The following ACLY variants were observed in gnomAD, a reference collection of about 807,000 sequenced individuals.
ACLY encodes ATP citrate lyase.
ACLY carries 41 observed loss-of-function variants against 133.0 expected under a neutral mutation model. The ratio of observed to expected loss-of-function variants is 0.31; its 90% CI spans 0.24 to 0.40. ACLY has a LOEUF of 0.40. ACLY is among the 10% of genes least tolerant of loss of function. ACLY has a pLI of 1.00. For missense variants in ACLY, 1,046 were observed against 1,453.8 expected (o/e 0.72, Z 4.56); for synonymous variants, 495 against 549.3 (o/e 0.90, Z 1.38).
At chr17:41,920,045 C>G (rs1407039429), upstream of ACLY, among the ~76,000 whole-genome samples, 1 of 152,132 alleles carries the variant, frequency 6.6e-6, no homozygotes, top group Non-Finnish European at 1.5e-5. Flanking sequence ...AAGAGGTCAG[C>G]CCAGAATGCA....
chr17:41,883,608 G>A (rs1196551065), intron 19 of ACLY, among the ~76,000 whole-genome samples: 6 of 130,574 alleles, frequency 4.6e-5, no homozygotes, highest in African/African-American at 9.0e-5. Context: ...TTTTTGAGAC[G>A]GAGTCTTGAT....
chr17:41,919,555 T>A (rs528345310), upstream of ACLY, among the ~76,000 whole-genome samples: 1 of 152,336 alleles, frequency 6.6e-6, no homozygotes, highest in South Asian at 2.1e-4. Flanking sequence ...CAGAGCATAC[T>A]TCCCAGTGTG....
intron 13 of ACLY, 136 bp downstream of exon 13, chr17:41,897,613 G>A: frequency 1.3e-6 from 1 of 743,738 alleles, no homozygotes; most frequent in East Asian, 2.8e-5. Context: ...CGTGTCCCAG[G>A]TGCACTCCCA....
chr17:41,889,513 G>T (rs2049144121), intron 16 of ACLY, among the ~76,000 whole-genome samples: 1 of 51,250 alleles, frequency 2.0e-5, no homozygotes, highest in Non-Finnish European at 3.4e-5. Context: ...ATGGAGAAAG[G>T]CTCCATTTCA....
intron 16 of ACLY, among the ~76,000 whole-genome samples, chr17:41,889,729 A>G (rs1555628883): frequency 1.4e-5 from 2 of 147,586 alleles, no homozygotes. Context: ...CTCGTCGCCC[A>G]GGCTGGAGTA....
intron 5 of ACLY, 107 bp downstream of exon 5, chr17:41,909,403 C>T (rs2049827594): frequency 5.5e-6 from 7 of 1,265,374 alleles, no homozygotes; most frequent in Non-Finnish European, 7.8e-6. Context: ...CCGTGTCTAC[C>T]ACCTGGCTCC....
chr17:41,901,856 C>T, intron 10 of ACLY, 43 bp from the exon 11 acceptor site: 4 of 1,425,420 alleles, frequency 2.8e-6, no homozygotes, highest in Non-Finnish European at 3.8e-6. Flanking sequence ...AAGGCAGCCA[C>T]AAGTCAATGA....
chr17:41,903,451 C>A (rs2049593768), intron 10 of ACLY, among the ~76,000 whole-genome samples: 1 of 152,036 alleles, frequency 6.6e-6, no homozygotes, highest in African/African-American at 2.4e-5. Context: ...GGGCTCATGA[C>A]AGAAAGATAT....
At chr17:41,898,094 C>T (rs1401195372) in intron 12 of ACLY, among the ~76,000 whole-genome samples, 2 of 152,072 alleles carry the variant, frequency 1.3e-5, no homozygotes, top group Non-Finnish European at 2.9e-5. Flanking sequence ...GTAAGAGTAA[C>T]GATTTTTAAG....
intron 23 of ACLY, 49 bp from the exon 24 acceptor site, chr17:41,872,231 C>A (rs782721249): frequency 1.3e-6 from 2 of 1,567,532 alleles, no homozygotes; most frequent in Admixed American, 1.7e-5. Context: ...AGGCCATGCT[C>A]GTACTTTCCC....
At chr17:41,908,217 C>G (rs1432313911) in intron 6 of ACLY, among the ~76,000 whole-genome samples, 1 of 152,208 alleles carries the variant, frequency 6.6e-6, no homozygotes, top group African/African-American at 2.4e-5. Context: ...GAAGTCCTGG[C>G]CAGAGCCAGC....
Position 41,905,616 on chromosome 17 carries a change from G to A in ACLY, c.909C>T (p.Asn303=). ...TGGGGGCGCCTGAGTACTCCCCATAGTTTGCCAGCTCGTTGACACCCCCTA... is the reference window on the plus strand; with the variant it reads ...TGGGGGCGCCTGAGTACTCCCCATAATTTGCCAGCTCGTTGACACCCCCTA... ...CDLGGVNELA[N]YGEYSGAPSE... Residue 303 remains asparagine, a synonymous_variant, in exon 9 of 29, where the codon AAC becomes AAT. Transcript: ENST00000352035. The A allele has an allele frequency of 6.2e-7, 1 of 1,614,182 alleles. No individual in the cohort carries two copies.
At chr17:41,886,026 A>G in intron 18 of ACLY, 86 bp downstream of exon 18, 1 of 1,366,424 alleles carries the variant, frequency 7.3e-7, no homozygotes, top group South Asian at 1.3e-5. Flanking sequence ...ACTCAGGGGC[A>G]GCAAGCAGCC....
intron 6 of ACLY, 101 bp from the exon 7 acceptor site, chr17:41,907,673 C>G: frequency 7.2e-7 from 1 of 1,379,790 alleles, no homozygotes; most frequent in South Asian, 1.3e-5. Flanking sequence ...GTGGCCCATT[C>G]AGGCCTCAGA....
intron 1 of ACLY, among the ~76,000 whole-genome samples, chr17:41,918,016 G>A (rs1661465476): frequency 1.3e-5 from 2 of 152,178 alleles, no homozygotes; most frequent in South Asian, 4.1e-4. Context: ...CTCTTCCCAG[G>A]AAGACCTCCA....
At chr17:41,882,367 C>CAAAAAAAAAAAAAAAAAAAAAAA (rs34078258) in intron 20 of ACLY, among the ~76,000 whole-genome samples, 3 of 40,252 alleles carry the variant, frequency 7.5e-5, no homozygotes, top group African/African-American at 2.1e-4. Flanking sequence ...ACCCTGTCTC[C>CAAAAAAAAAAAAAAAAAAAAAAA]AAAAAAAAAA....
chr17:41,881,923 A>G (rs1169283779), intron 20 of ACLY, among the ~76,000 whole-genome samples: 1 of 152,182 alleles, frequency 6.6e-6, no homozygotes, highest in African/African-American at 2.4e-5. Context: ...TATTATAAGC[A>G]TTTACTGAAC....
At chr17:41,876,104 C>T (rs1381221341) in intron 22 of ACLY, among the ~76,000 whole-genome samples, 1 of 151,282 alleles carries the variant, frequency 6.6e-6, no homozygotes, top group African/African-American at 2.4e-5. Context: ...CTGGCAACCG[C>T]CCCGTCTGAG....
At position 41,894,131 on chromosome 17, in the gene ACLY, C is replaced by T. The variant is rs145405184; in HGVS notation, c.1460-957G>A. On this transcript the variant is annotated intron_variant, in intron 14 of 28. Coordinates refer to ENST00000352035, the MANE Select transcript of ACLY (RefSeq NM_001096.3). ...CTCAGGAGGCTGAGGCAGGGAGAAT[C>T]GCTCGAACCCGGGAGGCAGAGGTTG... Among the ~76,000 whole-genome samples the T allele has an allele frequency of 4.4e-3, 670 of 150,896 alleles. 7 individuals carry two copies. Among genetic ancestry groups the T allele is most frequent in the African/African-American group, 0.016 (642 of 41,030 alleles).
Sources: allele counts gnomAD v4.1 joint callset (sites outside exome capture counted in the v4.1 genomes callset), GRCh38; gene constraint gnomAD v4.1.1; transcripts MANE v1.5; gene names NCBI Gene and HGNC (gene_info 2026-07-23, HGNC 2026-07-21).